The following LRRC7 variants were observed in gnomAD, a reference collection of about 807,000 sequenced individuals.
LRRC7 encodes the protein leucine rich repeat containing 7.
In LRRC7, 23 loss-of-function variants were observed where a neutral mutation model predicts 175.7. The ratio of observed to expected loss-of-function variants is 0.13; its 90% CI spans 0.09 to 0.19. LRRC7 has a LOEUF of 0.19. LRRC7 is among the 10% of genes least tolerant of loss of function. The pLI is 1.00. For missense variants in LRRC7, 1,354 were observed against 1,904.7 expected, an observed-to-expected ratio of 0.71 and a Z score of 5.38; for synonymous variants, 685 against 680.9, an observed-to-expected ratio of 1.01 and a Z score of -0.09.
At chr1:69,854,586 G>A (rs11809203) in intron 7 of LRRC7, among the ~76,000 whole-genome samples, 70,384 of 151,800 alleles carry the variant, frequency 0.46, 16,726 homozygotes, top group East Asian at 0.55. Context: ...CTTACTGAGG[G>A]TAACTTGATC....
chr1:70,066,839 A>G lies in LRRC7; in HGVS notation c.4231-9238A>G, dbSNP rs545821148. On this transcript the variant is annotated intron_variant, in intron 23 of 26. Coordinates refer to ENST00000651989, the MANE Select transcript of LRRC7 (RefSeq NM_001370785.2). ...TTCCAGAGTGGCTCTACCATTTGAC[A>G]TTGCCAGCAGCAATATGTGAGTAAT... 5.9e-5 allele frequency among the ~76,000 whole-genome samples: 9 copies of G among 152,194 alleles called. No homozygotes were observed. The East Asian group carries it at 7.7e-4, about 13-fold the overall frequency.
chr1:69,931,618 C>A, intron 8 of LRRC7, 48 bp downstream of exon 8: 3 of 1,435,904 alleles, frequency 2.1e-6, no homozygotes, highest in Non-Finnish European at 2.9e-6. Flanking sequence ...TCAGGAGATT[C>A]TTTCTTTTGC....
intron 8 of LRRC7, among the ~76,000 whole-genome samples, chr1:69,966,546 G>A (rs1051038913): frequency 1.1e-4 from 17 of 152,158 alleles, no homozygotes; most frequent in African/African-American, 3.9e-4. Flanking sequence ...ACTTCATATA[G>A]TCAAATAAAT....
chr1:69,620,873 TACTC>T (rs1221159064), intron 1 of LRRC7, among the ~76,000 whole-genome samples: 3 of 152,168 alleles, frequency 2.0e-5, no homozygotes, highest in Admixed American at 1.3e-4. Flanking sequence ...CTTAAAGTAA[TACTC>T]ACAAATATCT....
intron 25 of LRRC7, among the ~76,000 whole-genome samples, chr1:70,095,070 T>C (rs929867592): frequency 6.6e-6 from 1 of 152,220 alleles, no homozygotes; most frequent in African/African-American, 2.4e-5. Context: ...TATATGTTTC[T>C]AAATTCATTT....
At chr1:70,116,924 G>T (rs7415075) in intron 26 of LRRC7, among the ~76,000 whole-genome samples, 1 of 152,070 alleles carries the variant, frequency 6.6e-6, no homozygotes, top group Non-Finnish European at 1.5e-5. Context: ...ATAATACCTG[G>T]CAATCATCAT....
intron 3 of LRRC7, among the ~76,000 whole-genome samples, chr1:69,774,939 A>G (rs1672650825): frequency 6.6e-6 from 1 of 151,608 alleles, no homozygotes; most frequent in Non-Finnish European, 1.5e-5. Flanking sequence ...GTAATAGCTA[A>G]AAGAGTTGAA....
chr1:69,862,301 A>C (rs1368132386), intron 7 of LRRC7, among the ~76,000 whole-genome samples: 3 of 152,206 alleles, frequency 2.0e-5, no homozygotes, highest in East Asian at 3.8e-4. Context: ...TATAGATGGC[A>C]TATAGATTAT....
intron 8 of LRRC7, among the ~76,000 whole-genome samples, chr1:69,939,027 ATATCTATATATATC>A (rs1453987167): frequency 3.6e-4 from 29 of 80,010 alleles, no homozygotes; most frequent in African/African-American, 6.3e-4. Context: ...ATATATATAT[ATATCTATATATATC>A]TATATCTATC....
In LRRC7 at chr1:70,132,019, TA is replaced by T. The variant is rs1246433221; in HGVS notation, c.*10134del. Among the ~76,000 whole-genome samples the T allele has an allele frequency of 4.6e-5, 7 of 152,036 alleles. No individual in the cohort carries two copies. Among genetic ancestry groups the T allele is most frequent in the Non-Finnish European group, 7.4e-5 (5 of 67,990 alleles). On this transcript the variant is annotated 3_prime_UTR_variant, in exon 27 of 27. Transcript: ENST00000651989. ...GGAAAGAGGGGAATTAATAAGTTAT[TA>T]AGGAAGAAAGAATGAGAAAGACAAA...
chr1:69,804,948 G>C (rs1326943382), intron 4 of LRRC7, among the ~76,000 whole-genome samples: 1 of 151,688 alleles, frequency 6.6e-6, no homozygotes, highest in Non-Finnish European at 1.5e-5. Context: ...TTGTTGATTT[G>C]TCATTGCTTT....
intron 4 of LRRC7, among the ~76,000 whole-genome samples, chr1:69,814,990 C>G (rs923575046): frequency 2.0e-5 from 3 of 152,088 alleles, no homozygotes; most frequent in African/African-American, 7.2e-5. Flanking sequence ...CAGAACTCTC[C>G]CTAAGCTGCG....
At chr1:69,963,597 T>C (rs1288520852) in intron 8 of LRRC7, among the ~76,000 whole-genome samples, 1 of 151,594 alleles carries the variant, frequency 6.6e-6, no homozygotes, top group Non-Finnish European at 1.5e-5. Flanking sequence ...AGATAGAAGA[T>C]GGAGGAAGGT....
At chr1:69,950,601 G>T (rs553910654) in intron 8 of LRRC7, among the ~76,000 whole-genome samples, 1 of 152,206 alleles carries the variant, frequency 6.6e-6, no homozygotes, top group South Asian at 2.1e-4. Context: ...GCTCTGACAT[G>T]AAAGATGAGT....
At chr1:69,615,837 A>G (rs1252449138) in intron 1 of LRRC7, among the ~76,000 whole-genome samples, 1 of 152,048 alleles carries the variant, frequency 6.6e-6, no homozygotes, top group African/African-American at 2.4e-5. Context: ...GACGAATCAC[A>G]TACTGAATTG....
intron 24 of LRRC7, among the ~76,000 whole-genome samples, 161 bp downstream of exon 24, chr1:70,076,459 G>GT (rs1558049152): frequency 6.6e-6 from 1 of 152,078 alleles, no homozygotes; most frequent in Non-Finnish European, 1.5e-5. Flanking sequence ...CTTTCCAGTG[G>GT]TTAAGGACTA....
intron 2 of LRRC7, among the ~76,000 whole-genome samples, chr1:69,724,111 T>G (rs892520441): frequency 6.6e-6 from 1 of 152,212 alleles, no homozygotes; most frequent in Non-Finnish European, 1.5e-5. Context: ...TGTTTAAAAT[T>G]GAGCACATTC....
chr1:69,781,150 C>T (rs1673435502), intron 3 of LRRC7, among the ~76,000 whole-genome samples: 2 of 152,022 alleles, frequency 1.3e-5, no homozygotes. Flanking sequence ...TTTGCTAACC[C>T]AAAGTGCTAT....
intron 8 of LRRC7, among the ~76,000 whole-genome samples, chr1:69,945,383 C>T (rs1649198399): frequency 6.6e-6 from 1 of 152,018 alleles, no homozygotes; most frequent in South Asian, 2.1e-4. Flanking sequence ...TGTGCCTGTA[C>T]CATGCTGTTT....
Sources: gnomAD v4.1 joint callset for allele counts (sites outside exome capture counted in the v4.1 genomes callset) on GRCh38, gnomAD v4.1.1 for gene constraint, MANE v1.5 for transcripts, NCBI Gene and HGNC (gene_info 2026-07-23, HGNC 2026-07-21) for gene names.